Variants in SLC25A26 observed in about 807,000 individuals in gnomAD.
SLC25A26 encodes solute carrier family 25 member 26, also known as mitochondrial S-adenosylmethionine carrier protein.
Under a neutral mutation model 37.8 loss-of-function variants are expected in SLC25A26, and 36 were observed. That is an observed-to-expected ratio of 0.95 (90% CI 0.73 to 1.26). The LOEUF is 1.26. SLC25A26 is among the 50% of genes most tolerant of loss of function. The probability of loss-of-function intolerance (pLI) is 0.00; values close to 1 mark genes in which losing one functional copy is unlikely to be tolerated. For synonymous variants in SLC25A26, 129 were observed against 122.5 expected, an observed-to-expected ratio of 1.05 and a Z score of -0.35; for missense variants, 390 against 331.1, an observed-to-expected ratio of 1.18 and a Z score of -1.38.
At chr3:66,189,139 A>G (rs2070887391) in intron 1 of SLC25A26, among the ~76,000 whole-genome samples, 1 of 152,028 alleles carries the variant, frequency 6.6e-6, no homozygotes, top group African/African-American at 2.4e-5. Context: ...AACTTCATTC[A>G]TACACTGACC....
At chr3:66,272,557 C>T (rs139256942) in intron 5 of SLC25A26, among the ~76,000 whole-genome samples, 35 of 152,108 alleles carry the variant, frequency 2.3e-4, no homozygotes, top group Admixed American at 5.2e-4. Flanking sequence ...CATATTATCA[C>T]GTTTGCGTGA....
rs150944873 is a variant in SLC25A26, at chr3:66,236,939, A to C, written c.190+239A>C. Among the ~76,000 whole-genome samples, 59,069 of 152,014 alleles carry C rather than the reference A, an allele frequency of 0.39. 12,402 individuals carry two copies. The highest frequency in any genetic ancestry group is 0.52 in the African/African-American group (21,702 of 41,430). On this transcript the variant is annotated intron_variant, in intron 2 of 9. Coordinates refer to ENST00000354883, the MANE Select transcript of SLC25A26 (RefSeq NM_001379210.1). The stretch of plus-strand genomic sequence containing the variant: ...GCAACCTTGACCTCCTGGGCTCAAG[A>C]AATCCTCTTGCCTCAGCCCCCTAAG...
chr3:66,365,122 T>A (rs2076796957), intron 7 of SLC25A26, among the ~76,000 whole-genome samples: 1 of 152,220 alleles, frequency 6.6e-6, no homozygotes, highest in African/African-American at 2.4e-5. Flanking sequence ...CATATAGAGA[T>A]GAAGGATGTC....
chr3:66,207,045 T>A (rs974012630), intron 1 of SLC25A26, among the ~76,000 whole-genome samples: 1 of 151,882 alleles, frequency 6.6e-6, no homozygotes, highest in African/African-American at 2.4e-5. Context: ...CCTGGCCTAG[T>A]TACAGGTTCT....
chr3:66,157,973 A>G (rs561497529), intron 1 of SLC25A26, among the ~76,000 whole-genome samples: 99 of 152,340 alleles, frequency 6.5e-4, no homozygotes, highest in Non-Finnish European at 1.2e-3. Context: ...CAACTCTTCC[A>G]TCAAACCATT....
At chr3:66,196,504 G>T (rs1037010543) in intron 1 of SLC25A26, among the ~76,000 whole-genome samples, 1 of 152,150 alleles carries the variant, frequency 6.6e-6, no homozygotes, top group Admixed American at 6.5e-5. Flanking sequence ...TTGGGGAAGG[G>T]TCTAAGGAAG....
At chr3:66,352,799 A>C (rs80024310) in intron 6 of SLC25A26, among the ~76,000 whole-genome samples, 7,273 of 151,436 alleles carry the variant, frequency 0.048, 231 homozygotes, top group South Asian at 0.075. Flanking sequence ...TACCTCTCTC[A>C]TGTCTCCTCT....
At chr3:66,156,812 T>C (rs1022811571) in intron 1 of SLC25A26, among the ~76,000 whole-genome samples, 2 of 152,018 alleles carry the variant, frequency 1.3e-5, no homozygotes, top group African/African-American at 2.4e-5. Flanking sequence ...TTGGGGAAAG[T>C]AGAGGGAATG....
chr3:66,332,036 A>G (rs1028263750), intron 5 of SLC25A26, among the ~76,000 whole-genome samples: 6 of 152,076 alleles, frequency 3.9e-5, no homozygotes, highest in Admixed American at 1.3e-4. Context: ...GGTTCAAGCA[A>G]TTCTCCTGCC....
At chr3:66,166,740 G>C (rs2070430008) in intron 1 of SLC25A26, among the ~76,000 whole-genome samples, 1 of 152,088 alleles carries the variant, frequency 6.6e-6, no homozygotes, top group Non-Finnish European at 1.5e-5. Context: ...TATGGCTGTG[G>C]TTGGACTGTC....
intron 1 of SLC25A26, among the ~76,000 whole-genome samples, chr3:66,199,103 G>A (rs1359050531): frequency 1.3e-5 from 2 of 150,860 alleles, no homozygotes; most frequent in African/African-American, 2.4e-5. Flanking sequence ...CAAACCTGAT[G>A]TCACCCTGAC....
chr3:66,318,187 C>T (rs2075592627), intron 5 of SLC25A26, among the ~76,000 whole-genome samples: 1 of 152,152 alleles, frequency 6.6e-6, no homozygotes, highest in Non-Finnish European at 1.5e-5. Flanking sequence ...GCTGGGGTTC[C>T]CAGAGCTGGA....
intron 1 of SLC25A26, among the ~76,000 whole-genome samples, chr3:66,235,021 C>G (rs1283857391): frequency 6.6e-6 from 1 of 152,100 alleles, no homozygotes; most frequent in African/African-American, 2.4e-5. Context: ...TTAAATGATG[C>G]CTTTAGATCT....
intron 1 of SLC25A26, among the ~76,000 whole-genome samples, chr3:66,164,981 T>C (rs2070406582): frequency 6.6e-6 from 1 of 152,224 alleles, no homozygotes; most frequent in Admixed American, 6.5e-5. Context: ...TCCATGCCTC[T>C]AGCATTCATG....
At chr3:66,362,049 TAAC>T (rs1316471873) in intron 6 of SLC25A26, among the ~76,000 whole-genome samples, 1 of 152,226 alleles carries the variant, frequency 6.6e-6, no homozygotes, top group East Asian at 1.9e-4. Flanking sequence ...ATGGTGATGA[TAAC>T]AAGTATTGGG....
chr3:66,319,022 T>C (rs1485314658), intron 5 of SLC25A26, among the ~76,000 whole-genome samples: 1 of 152,170 alleles, frequency 6.6e-6, no homozygotes, highest in African/African-American at 2.4e-5. Flanking sequence ...TTACCAACTT[T>C]CACTTGACAC....
At position 66,378,139 on chromosome 3, in the gene SLC25A26, T is replaced by C; in HGVS notation, c.*332T>C. 5.0e-6 allele frequency: 1 copy of C among 201,084 alleles called. No individual in the cohort carries two copies. The highest frequency in any genetic ancestry group is 1.0e-5 in the Non-Finnish European group (1 of 99,788). 12.5% of individuals were successfully genotyped at this position (201,084 alleles called of 1,614,324 possible). The stretch of plus-strand genomic sequence containing the variant: ...ATCTGATCTTTCATTTCCTGCCACC[T>C]GATGGTGGATTCAGCAGAAGGCAAG... On this transcript the variant is annotated 3_prime_UTR_variant, in exon 10 of 10. Transcript: ENST00000354883.
chr3:66,208,437 A>G (rs1183923558), intron 1 of SLC25A26, among the ~76,000 whole-genome samples: 2 of 151,922 alleles, frequency 1.3e-5, no homozygotes, highest in Non-Finnish European at 2.9e-5. Context: ...TAGGAAAGAG[A>G]TTGCCACATG....
chr3:66,299,135 T>A (rs879303751), intron 5 of SLC25A26, among the ~76,000 whole-genome samples: 1 of 152,214 alleles, frequency 6.6e-6, no homozygotes, highest in African/African-American at 2.4e-5. Flanking sequence ...TGTATACAGT[T>A]CATTTGATGT....
Sources: gnomAD v4.1 joint callset for allele counts (sites outside exome capture counted in the v4.1 genomes callset) on GRCh38, gnomAD v4.1.1 for gene constraint, MANE v1.5 for transcripts, NCBI Gene and HGNC (gene_info 2026-07-23, HGNC 2026-07-21) for gene names.